EPB41L3: variants seen among roughly 807,000 people sequenced by gnomAD.
The protein encoded by EPB41L3 is band 4.1-like protein 3.
EPB41L3 carries 57 observed loss-of-function variants against 127.1 expected under a neutral mutation model. The ratio of observed to expected loss-of-function variants is 0.45; its 90% CI spans 0.36 to 0.56. EPB41L3 has a LOEUF of 0.56. EPB41L3 is among the 20% of genes least tolerant of loss of function. The pLI, the probability that EPB41L3 is intolerant of heterozygous loss-of-function variation, is 0.00. For missense variants in EPB41L3, 1,273 were observed against 1,372.2 expected, an observed-to-expected ratio of 0.93 and a Z score of 1.14; for synonymous variants, 572 against 549.5, an observed-to-expected ratio of 1.04 and a Z score of -0.57.
chr18:5,555,265 C>T (rs2149167462), intron 3 of EPB41L3, among the ~76,000 whole-genome samples: 1 of 152,290 alleles, frequency 6.6e-6, no homozygotes, highest in Non-Finnish European at 1.5e-5. Context: ...TAGTCACTCT[C>T]TGGAGAGGGC....
chr18:5,463,484 C>T lies in EPB41L3; in HGVS notation c.381+14757G>A, dbSNP rs140524067. ...TGCGGGTTTGACCTAATCATGTGAG[C>T]CCTTTTCTCTAGCTGGTTGCCGATG... is the stretch of plus-strand genomic sequence containing the variant. On this transcript the variant is annotated intron_variant, in intron 3 of 22. Coordinates refer to ENST00000341928, the MANE Select transcript of EPB41L3 (RefSeq NM_012307.5). 213 of 152,428 alleles carry T rather than the reference C, an allele frequency of 1.4e-3. 1 individual carries two copies. Among genetic ancestry groups the T allele is most frequent in the African/African-American group, 4.9e-3 (204 of 41,552 alleles). The allele number at this position is 152,428 out of a possible 1,614,324, so 9.4% of individuals were successfully genotyped here. A position where few individuals can be genotyped will look rare whatever the true frequency, so the allele number is the denominator to read the frequency against.
chr18:5,415,963 A>T lies in EPB41L3; in HGVS notation c.1922T>A (p.Phe641Tyr). ...SLVPCFLFIF[F>Y]FLLSASFSVP... ...TGAGAAGGAGGCAGACAGCAGAAAG[A>T]AAAAGATGAAGAGGAAACAGGGCAC... is the stretch of plus-strand genomic sequence containing the variant. Residue 641 changes from phenylalanine (F) to tyrosine (Y), a missense_variant, in exon 13 of 23, where the codon TTC becomes TAC. Physicochemically the swap from Phe to Tyr is conservative, Grantham distance 22. Coordinates refer to ENST00000341928, the MANE Select transcript of EPB41L3 (RefSeq NM_012307.5). 6.2e-7 allele frequency: 1 copy of T among 1,614,164 alleles called. No homozygotes were observed. The highest frequency in any genetic ancestry group is 8.5e-7 in the Non-Finnish European group (1 of 1,180,024).
intron 3 of EPB41L3, among the ~76,000 whole-genome samples, chr18:5,584,207 A>C (rs1329229052): frequency 1.3e-5 from 2 of 152,194 alleles, no homozygotes; most frequent in Non-Finnish European, 2.9e-5. Context: ...GAGCACAGCC[A>C]AGACAGCCAA....
At chr18:5,490,948 A>AC (rs1005055482) in intron 1 of EPB41L3, among the ~76,000 whole-genome samples, 1 of 152,046 alleles carries the variant, frequency 6.6e-6, no homozygotes, top group Admixed American at 6.6e-5. Flanking sequence ...TGTAACCACT[A>AC]CCCCCCATCT....
chr18:5,559,887 C>T (rs1719991), intron 3 of EPB41L3, among the ~76,000 whole-genome samples: 15,491 of 152,128 alleles, frequency 0.1, 832 homozygotes, highest in East Asian at 0.13. Flanking sequence ...TTGTTATTAC[C>T]ATACCTATAC....
chr18:5,432,393 C>T (rs2079121114), intron 8 of EPB41L3, among the ~76,000 whole-genome samples: 1 of 152,160 alleles, frequency 6.6e-6, no homozygotes, highest in Admixed American at 6.5e-5. Context: ...CGGTGACTAA[C>T]TCTGTCCATA....
At chr18:5,458,256 A>G (rs2083420330) in intron 3 of EPB41L3, among the ~76,000 whole-genome samples, 1 of 152,100 alleles carries the variant, frequency 6.6e-6, no homozygotes, top group Admixed American at 6.6e-5. Context: ...CAAATGAAAA[A>G]CCTGTTTTTT....
chr18:5,548,211 G>C (rs2093912408), upstream of EPB41L3, among the ~76,000 whole-genome samples: 1 of 152,132 alleles, frequency 6.6e-6, no homozygotes, highest in Non-Finnish European at 1.5e-5. Context: ...GAAATACAGG[G>C]ATGAATGCAT....
intron 6 of EPB41L3, among the ~76,000 whole-genome samples, chr18:5,435,164 A>C (rs968293666): frequency 1.3e-5 from 2 of 152,262 alleles, no homozygotes; most frequent in Non-Finnish European, 2.9e-5. Context: ...GTGTGTTTTA[A>C]GCTAAGTGTT....
intron 3 of EPB41L3, among the ~76,000 whole-genome samples, chr18:5,474,937 T>C (rs565453785): frequency 3.9e-5 from 6 of 152,328 alleles, no homozygotes; most frequent in Non-Finnish European, 7.3e-5. Context: ...ACAGCGATCA[T>C]TAAAGACATT....
In EPB41L3 at chr18:5,487,408, T is replaced by G. The variant is rs868469323; in HGVS notation, c.183+1593A>C. Among the ~76,000 whole-genome samples the G allele has an allele frequency of 3.1e-4, 46 of 149,826 alleles. No individual in the cohort carries two copies. In the Middle Eastern group the frequency reaches 0.011, roughly 35 times the overall value. On this transcript the variant is annotated intron_variant, in intron 2 of 22. Transcript: ENST00000341928. ...ATATACAAAATATAATATATATATTTTTTATATAAAAATATAAATGTACTT... is the reference window on the plus strand; with the variant it reads ...ATATACAAAATATAATATATATATTGTTTATATAAAAATATAAATGTACTT...
intron 3 of EPB41L3, among the ~76,000 whole-genome samples, chr18:5,580,325 A>G (rs1476508322): frequency 1.3e-5 from 2 of 152,186 alleles, no homozygotes; most frequent in African/African-American, 4.8e-5. Context: ...ATGTATAGAC[A>G]CACATGTATA....
At chr18:5,429,597 C>T (rs1255043132) in intron 8 of EPB41L3, among the ~76,000 whole-genome samples, 1 of 152,122 alleles carries the variant, frequency 6.6e-6, no homozygotes, top group Non-Finnish European at 1.5e-5. Context: ...TTTCCAGAAT[C>T]AGAAATACAT....
intron 1 of EPB41L3, among the ~76,000 whole-genome samples, chr18:5,522,424 G>T (rs1719951): frequency 0.26 from 39,560 of 151,900 alleles, 5,697 homozygotes; most frequent in African/African-American, 0.39. Flanking sequence ...AAGCCTGGCC[G>T]CCAAATCTAT....
intron 3 of EPB41L3, among the ~76,000 whole-genome samples, chr18:5,554,652 AC>A (rs1450239001): frequency 2.0e-5 from 3 of 152,162 alleles, no homozygotes; most frequent in East Asian, 3.9e-4. Flanking sequence ...TCCACCACAC[AC>A]CCAGAGATGA....
chr18:5,513,427 G>A (rs1272250826), intron 1 of EPB41L3, among the ~76,000 whole-genome samples: 1 of 152,192 alleles, frequency 6.6e-6, no homozygotes, highest in East Asian at 1.9e-4. Flanking sequence ...AGGTGACAGT[G>A]CAGAAAATGG....
At chr18:5,447,849 A>C (rs1402094303) in intron 3 of EPB41L3, among the ~76,000 whole-genome samples, 1 of 152,176 alleles carries the variant, frequency 6.6e-6, no homozygotes, top group African/African-American at 2.4e-5. Context: ...TAAATAGACC[A>C]GATCTTTTCT....
At chr18:5,595,669 C>T (rs1485647939) in intron 3 of EPB41L3, among the ~76,000 whole-genome samples, 2 of 152,128 alleles carry the variant, frequency 1.3e-5, no homozygotes, top group Non-Finnish European at 2.9e-5. Context: ...CCTTCCCCAT[C>T]AGTAAGTGTT....
chr18:5,611,737 G>A (rs2094727390), intron 3 of EPB41L3, among the ~76,000 whole-genome samples: 1 of 152,114 alleles, frequency 6.6e-6, no homozygotes. Context: ...AGACCAGCCT[G>A]AGCAACATAG....
Sources: allele counts gnomAD v4.1 joint callset (sites outside exome capture counted in the v4.1 genomes callset), GRCh38; gene constraint gnomAD v4.1.1; transcripts MANE v1.5; gene names NCBI Gene and HGNC (gene_info 2026-07-23, HGNC 2026-07-21).